The following ACE variants were observed in gnomAD, a reference collection of about 807,000 sequenced individuals.
ACE encodes angiotensin-converting enzyme.
ACE carries 122 observed loss-of-function variants against 162.3 expected under a neutral mutation model. The ratio of observed to expected loss-of-function variants is 0.75; its 90% CI spans 0.65 to 0.87. ACE has a LOEUF of 0.87. Ranked by LOEUF, ACE falls within the 40% of genes least tolerant of loss-of-function variation. ACE has a pLI of 0.00. For synonymous variants in ACE, 796 were observed against 720.6 expected, an observed-to-expected ratio of 1.10 and a Z score of -1.68; for missense variants, 1,799 against 1,735.1, an observed-to-expected ratio of 1.04 and a Z score of -0.65.
At chr17:63,492,595 G>A (rs2030454707) in intron 19 of ACE, among the ~76,000 whole-genome samples, 1 of 152,220 alleles carries the variant, frequency 6.6e-6, no homozygotes, top group East Asian at 1.9e-4. Flanking sequence ...CCCCAGCCTT[G>A]TGGCCAGGAT....
chr17:63,493,313 G>A, intron 19 of ACE, 123 bp from the exon 20 acceptor site: 2 of 906,194 alleles, frequency 2.2e-6, no homozygotes, highest in East Asian at 2.5e-5. Flanking sequence ...CCACAGTGCT[G>A]TGTCCCCTGC....
chr17:63,483,532 T>A lies in ACE; in HGVS notation c.1560T>A (p.His520Gln). Residue 520 changes from histidine to glutamine, a missense_variant, in exon 10 of 25, where the codon CAT (histidine) becomes CAA (glutamine). Transcript: ENST00000290866. ...ACTTTGATGCTGGAGCTAAGTTTCA[T>A]GTTCCAAATGTGACACCATACATCA... ...ETHFDAGAKF[H>Q]VPNVTPYIRY... 6.2e-7 allele frequency: 1 copy of A among 1,614,134 alleles called. No homozygotes were observed. Among genetic ancestry groups the A allele is most frequent in the Admixed American group, 1.7e-5 (1 of 60,020 alleles).
chr17:63,478,512 A>T (rs1003869426), intron 2 of ACE: 1 of 304,582 alleles, frequency 3.3e-6, no homozygotes, highest in Non-Finnish European at 6.3e-6. Context: ...CAAAAAAAAA[A>T]TAGCTGGGCT....
At chr17:63,482,772 G>C in intron 8 of ACE, 83 bp downstream of exon 8, 1 of 1,439,988 alleles carries the variant, frequency 6.9e-7, no homozygotes, top group East Asian at 2.3e-5. Flanking sequence ...GCCCCACTCA[G>C]CTCTGCCCTT....
chr17:63,493,305 A>C (rs2030502067), intron 19 of ACE, 131 bp from the exon 20 acceptor site: 1 of 838,554 alleles, frequency 1.2e-6, no homozygotes, highest in African/African-American at 1.7e-5. Flanking sequence ...CTCCCTCCCC[A>C]CAGTGCTGTG....
chr17:63,477,927 A>G lies in ACE; in HGVS notation c.250-4A>G, dbSNP rs1402869120. The G allele has an allele frequency of 1.9e-6, 3 of 1,608,658 alleles. No individual in the cohort carries two copies. The highest frequency in any genetic ancestry group is 1.7e-5 in the Admixed American group (1 of 59,590). ...ACCCTCCCTGCCCTCCTGGTGCCCA[A>G]TAGGAGGAAGCAGCCCTGCTCAGCC... On this transcript the variant is annotated splice_region_variant and splice_polypyrimidine_tract_variant and intron_variant, in intron 1 of 24. Coordinates refer to ENST00000290866, the MANE Select transcript of ACE (RefSeq NM_000789.4).
rs1568039090 is a variant in ACE at position 63,483,870 on chromosome 17, G to T, written c.1608G>T (p.Leu536=). The T allele has an allele frequency of 1.1e-5, 17 of 1,614,034 alleles. No homozygotes were observed. The highest frequency in any genetic ancestry group is 1.4e-5 in the Non-Finnish European group (17 of 1,180,048). ...GCAGGTACTTTGTGAGTTTTGTCCTGCAGTTCCAGTTCCATGAAGCCCTGT... is the reference window on the plus strand; with the variant it reads ...GCAGGTACTTTGTGAGTTTTGTCCTTCAGTTCCAGTTCCATGAAGCCCTGT... The part of the protein sequence containing the change: ...PYIRYFVSFV[L]QFQFHEALCK... The change falls in exon 11 of 25, where the codon CTG becomes CTT. Residue 536 remains leucine, a synonymous_variant. Coordinates refer to ENST00000290866, the MANE Select transcript of ACE (RefSeq NM_000789.4).
In ACE at chr17:63,491,480, A is replaced by C; in HGVS notation, c.2912+99A>C. On this transcript the variant is annotated intron_variant, in intron 19 of 24. Transcript: ENST00000290866. This position sits in a 1 kb window ranked among gnomAD's most constrained non-coding sequence, Gnocchi z 4.4. ...CTACTGTCCCCCAGCTGGAGCCAGC[A>C]GGGCAGGATGGGGACAGGGCCAGAG... 6.6e-7 allele frequency: 1 copy of C among 1,507,354 alleles called. No individual in the cohort carries two copies. Among genetic ancestry groups the C allele is most frequent in the South Asian group, 1.1e-5 (1 of 88,096 alleles). The allele number at this position is 1,507,354 out of a possible 1,614,324, so 93.4% of individuals were successfully genotyped here.
In ACE at chr17:63,488,966, G is replaced by A. The variant is rs2030184791; in HGVS notation, c.2475G>A (p.Trp825Ter). 6.2e-7 allele frequency: 1 copy of A among 1,614,158 alleles called. No homozygotes were observed. The highest frequency in any genetic ancestry group is 1.7e-5 in the Admixed American group (1 of 60,026). ...GCTATGTAGATGCAGGGGACTCGTG[G>A]AGGTCTATGTACGAGACACCATCCC... ...LNGYVDAGDSWRSMYETPSLE... is the reference protein window; with the variant it reads ...LNGYVDAGDS The change falls in exon 17 of 25, where the codon TGG becomes TGA. Residue 825 changes from tryptophan (W) to a stop codon, truncating the protein, a stop_gained. Coordinates refer to ENST00000290866, the MANE Select transcript of ACE (RefSeq NM_000789.4). LOFTEE classifies it high-confidence loss of function.
chr17:63,488,764 C>T lies in ACE; in HGVS notation c.2422C>T (p.Leu808Phe), dbSNP rs773031583. The T allele has an allele frequency of 3.7e-6, 6 of 1,613,842 alleles. No homozygotes were observed. Among genetic ancestry groups the T allele is most frequent in the Non-Finnish European group, 5.1e-6 (6 of 1,180,036 alleles). Residue 808 changes from leucine to phenylalanine, a missense_variant, in exon 16 of 25, where the codon CTC (leucine) becomes TTC (phenylalanine). Leu to Phe is a conservative substitution (Grantham distance 22). Coordinates refer to ENST00000290866, the MANE Select transcript of ACE (RefSeq NM_000789.4). ...ILQFYPKYVE[L>F]INQAARLNGY... is the part of the protein sequence containing the mutation. ...CCAGTTTTACCCGAAATACGTGGAA[C>T]TCATCAACCAGGCTGCCCGGCTCAA...
chr17:63,481,832 C>G (rs908979890), intron 7 of ACE, 94 bp downstream of exon 7: 1 of 1,518,582 alleles, frequency 6.6e-7, no homozygotes, highest in African/African-American at 1.4e-5. Context: ...GGTTCCCAGG[C>G]CTGCCTCTAC....
In ACE at chr17:63,485,255, T is replaced by C; in HGVS notation, c.1941T>C (p.Ala647=). 6 of 1,614,082 alleles carry C rather than the reference T, an allele frequency of 3.7e-6. No individual in the cohort carries two copies. The highest frequency in any genetic ancestry group is 5.1e-6 in the Non-Finnish European group (6 of 1,180,008). ...PEGIDLVTDE[A]EASKFVEEYD... ...CCACAGACCTGGTGACTGATGAGGC[T>C]GAGGCCAGCAAGTTTGTGGAGGAAT... is the stretch of plus-strand genomic sequence containing the variant. The change falls in exon 13 of 25, where the codon GCT becomes GCC. Residue 647 remains alanine (A), a synonymous_variant. Transcript: ENST00000290866.
intron 22 of ACE, among the ~76,000 whole-genome samples, chr17:63,495,442 G>T (rs1599156537): frequency 1.3e-5 from 2 of 152,232 alleles, no homozygotes; most frequent in African/African-American, 4.8e-5. Context: ...CAGGGCCCAT[G>T]CCCACCTTGC....
chr17:63,484,524 A>T lies in ACE; in HGVS notation c.1904A>T (p.Asn635Ile). 1 of 1,611,798 alleles carries T rather than the reference A, an allele frequency of 6.2e-7. No homozygotes were observed. The highest frequency in any genetic ancestry group is 8.5e-7 in the Non-Finnish European group (1 of 1,179,762). ...EYQWHPPLPD[N>I]YPEGIDLVTD... ...CAGTGGCACCCGCCGTTGCCTGACA[A>T]CTACCCGGAGGGCATAGGTAAAGCC... Residue 635 changes from asparagine (N) to isoleucine (I), a missense_variant, in exon 12 of 25, where the codon AAC becomes ATC. Asn to Ile is a moderately radical substitution (Grantham distance 149). Coordinates refer to ENST00000290866, the MANE Select transcript of ACE (RefSeq NM_000789.4). This position sits in a 1 kb window ranked among gnomAD's most constrained non-coding sequence, Gnocchi z 4.0.
intron 12 of ACE, 185 bp from the exon 13 acceptor site, chr17:63,485,048 ACAT>A (rs1178347760): frequency 6.2e-7 from 1 of 1,609,536 alleles, no homozygotes; most frequent in Non-Finnish European, 8.5e-7. Context: ...GGCCCACCAG[ACAT>A]CAGCCCAGAG....
rs748930136 is a variant in ACE, at chr17:63,491,385, C to T, written c.2912+4C>T. 2 of 1,614,090 alleles carry T rather than the reference C, an allele frequency of 1.2e-6. No homozygotes were observed. The highest frequency in any genetic ancestry group is 1.7e-6 in the Non-Finnish European group (2 of 1,180,030). ...TCTACAACGGCAAGGACTTCCGGTA[C>T]ATCCAGCTAGGGCTCAGGTCTCGTT... is the stretch of plus-strand genomic sequence containing the variant. On this transcript the variant is annotated splice_donor_region_variant and intron_variant, in intron 19 of 24. Coordinates refer to ENST00000290866, the MANE Select transcript of ACE (RefSeq NM_000789.4). This position sits in a 1 kb window ranked among gnomAD's most constrained non-coding sequence, Gnocchi z 4.4.
At chr17:63,486,768 A>G (rs2029972606) in intron 14 of ACE, 53 bp downstream of exon 14, 2 of 1,611,072 alleles carry the variant, frequency 1.2e-6, no homozygotes, top group Non-Finnish European at 1.7e-6. Flanking sequence ...AGTGAGCCCA[A>G]CACAGGGTCT....
intron 17 of ACE, 132 bp from the exon 18 acceptor site, chr17:63,490,822 A>G (rs2030319951): frequency 1.2e-6 from 1 of 868,190 alleles, no homozygotes. Context: ...AAAGCTTGCA[A>G]ACAGTAGGTG....
At position 63,486,649 on chromosome 17, in the gene ACE, C is replaced by T; in HGVS notation, c.2151C>T (p.Ile717=). ...FDVNQLQNTT[I]KRIIKKVQDL... ...TGAACCAGTTGCAGAACACCACTAT[C>T]AAGCGGATCATAAAGAAGGTTCAGG... The change falls in exon 14 of 25, where the codon ATC becomes ATT. Residue 717 remains isoleucine, a synonymous_variant. Coordinates refer to ENST00000290866, the MANE Select transcript of ACE (RefSeq NM_000789.4). 6.2e-7 allele frequency: 1 copy of T among 1,614,238 alleles called. No individual in the cohort carries two copies. The highest frequency in any genetic ancestry group is 8.5e-7 in the Non-Finnish European group (1 of 1,180,044).
Sources: allele counts gnomAD v4.1 joint callset (sites outside exome capture counted in the v4.1 genomes callset), GRCh38; gene constraint gnomAD v4.1.1; non-coding constraint Gnocchi (gnomAD v3.1); transcripts MANE v1.5; gene names NCBI Gene and HGNC (gene_info 2026-07-23, HGNC 2026-07-21).